PUS10: variants seen among roughly 807,000 people sequenced by gnomAD.
PUS10 encodes tRNA pseudouridine synthase Pus10.
PUS10 carries 59 observed loss-of-function variants against 75.0 expected under a neutral mutation model. That is an observed-to-expected ratio of 0.79 (90% confidence interval 0.64 to 0.98). The LOEUF is 0.98. PUS10 is among the 50% of genes least tolerant of loss of function. The pLI, the probability that PUS10 is intolerant of heterozygous loss-of-function variation, is 0.00. For missense variants in PUS10, 650 were observed against 614.4 expected, an observed-to-expected ratio of 1.06 and a Z score of -0.61; for synonymous variants, 219 against 211.6, an observed-to-expected ratio of 1.03 and a Z score of -0.30.
At chr2:60,985,481 G>A (rs2104521967) in intron 4 of PUS10, among the ~76,000 whole-genome samples, 2 of 152,148 alleles carry the variant, frequency 1.3e-5, no homozygotes, top group African/African-American at 4.8e-5. Context: ...TGAGGACTTT[G>A]TGCTAAAGAT....
At chr2:60,975,632 A>T (rs1676987338) in intron 4 of PUS10, among the ~76,000 whole-genome samples, 1 of 151,408 alleles carries the variant, frequency 6.6e-6, no homozygotes, top group Non-Finnish European at 1.5e-5. Context: ...GTTTTATAAT[A>T]GACGACTGAG....
intron 15 of PUS10, among the ~76,000 whole-genome samples, chr2:60,950,312 T>A (rs1675254593): frequency 2.0e-5 from 3 of 152,348 alleles, no homozygotes; most frequent in South Asian, 4.1e-4. Flanking sequence ...TCATAAGTGC[T>A]CCTATGAGTC....
Position 60,953,635 on chromosome 2 carries a change from A to C in PUS10, c.1190+298T>G, listed in dbSNP as rs374554873. Among the ~76,000 whole-genome samples the C allele has an allele frequency of 9.2e-5, 14 of 152,338 alleles. 1 individual carries two copies. In the South Asian group the frequency reaches 2.9e-3, roughly 32 times the overall value. On this transcript the variant is annotated intron_variant, in intron 14 of 17. Coordinates refer to ENST00000316752, the MANE Select transcript of PUS10 (RefSeq NM_144709.4). The stretch of plus-strand genomic sequence containing the variant: ...TTGCTATTGTGAATAATGCTATTAT[A>C]AATATTCATGTACAAGTCTTTGTGT...
chr2:60,957,543 G>A (rs574476805), intron 11 of PUS10, among the ~76,000 whole-genome samples: 19 of 152,348 alleles, frequency 1.2e-4, no homozygotes, highest in Middle Eastern at 3.4e-3. Flanking sequence ...CCAGATAATC[G>A]GCAGAACGTA....
intron 12 of PUS10, among the ~76,000 whole-genome samples, chr2:60,954,742 GA>G (rs1405202858): frequency 6.6e-6 from 1 of 151,812 alleles, no homozygotes; most frequent in Non-Finnish European, 1.5e-5. Context: ...CAAACTTTTG[GA>G]AAAAAAATCA....
At chr2:60,951,232 G>T (rs1289880752) in intron 15 of PUS10, among the ~76,000 whole-genome samples, 1 of 152,084 alleles carries the variant, frequency 6.6e-6, no homozygotes, top group Non-Finnish European at 1.5e-5. Context: ...ATGCGTTTGT[G>T]TGTGCTTAAA....
chr2:60,975,850 C>T (rs1677004335), intron 4 of PUS10, among the ~76,000 whole-genome samples: 1 of 152,074 alleles, frequency 6.6e-6, no homozygotes, highest in Non-Finnish European at 1.5e-5. Flanking sequence ...CACCCTCCTC[C>T]TCCCCGTTTC....
intron 11 of PUS10, among the ~76,000 whole-genome samples, chr2:60,956,090 AT>A (rs770486074): frequency 6.6e-6 from 1 of 151,256 alleles, no homozygotes; most frequent in Non-Finnish European, 1.5e-5. Flanking sequence ...GAAGGAGAAA[AT>A]TAAAAAAAAA....
intron 1 of PUS10, chr2:61,017,760 A>T (rs1201215154): frequency 6.5e-7 from 1 of 1,548,772 alleles, no homozygotes; most frequent in Admixed American, 2.0e-5. Flanking sequence ...GGCGGAGGAG[A>T]TGGCGTCCCA....
intron 16 of PUS10, 76 bp downstream of exon 16, chr2:60,947,967 C>G (rs1675073110): frequency 9.9e-6 from 15 of 1,522,618 alleles, no homozygotes; most frequent in Non-Finnish European, 1.4e-5. Context: ...CAAGCTGACC[C>G]TGTTTTCTAG....
At chr2:60,979,364 C>T (rs1677241337) in intron 4 of PUS10, among the ~76,000 whole-genome samples, 1 of 152,190 alleles carries the variant, frequency 6.6e-6, no homozygotes, top group African/African-American at 2.4e-5. Context: ...GCCTGTGCCT[C>T]ACCGTGTGTC....
intron 2 of PUS10, 122 bp downstream of exon 2, chr2:61,011,643 T>C (rs1043666912): frequency 3.1e-5 from 20 of 655,456 alleles, no homozygotes; most frequent in South Asian, 2.6e-4. Context: ...CATTTTATTA[T>C]AGTTTTTTAA....
At chr2:60,984,925 A>C (rs1235783163) in intron 4 of PUS10, among the ~76,000 whole-genome samples, 1 of 152,246 alleles carries the variant, frequency 6.6e-6, no homozygotes. Context: ...GTTACTCCAG[A>C]AAATGGGAAG....
intron 4 of PUS10, among the ~76,000 whole-genome samples, chr2:61,002,601 G>A (rs1678927027): frequency 6.6e-6 from 1 of 152,146 alleles, no homozygotes; most frequent in East Asian, 1.9e-4. Context: ...GTACCACCAT[G>A]AGATCACTCT....
At chr2:60,992,749 T>TC (rs1678193862) in intron 4 of PUS10, among the ~76,000 whole-genome samples, 1 of 152,182 alleles carries the variant, frequency 6.6e-6, no homozygotes, top group Non-Finnish European at 1.5e-5. Flanking sequence ...TTTTATTTTT[T>TC]CCCCACACAA....
At chr2:60,945,535 G>A (rs1674892447) in intron 16 of PUS10, among the ~76,000 whole-genome samples, 1 of 152,162 alleles carries the variant, frequency 6.6e-6, no homozygotes, top group South Asian at 2.1e-4. Flanking sequence ...CACACAGAGA[G>A]TGATCTCAAT....
At chr2:60,995,512 A>G (rs952294923) in intron 4 of PUS10, among the ~76,000 whole-genome samples, 1 of 152,246 alleles carries the variant, frequency 6.6e-6, no homozygotes, top group Admixed American at 6.5e-5. Flanking sequence ...AAAAAAGGAC[A>G]GTTCTACGCA....
chr2:60,972,500 T>C (rs1379198891), intron 4 of PUS10, among the ~76,000 whole-genome samples: 2 of 151,852 alleles, frequency 1.3e-5, no homozygotes, highest in African/African-American at 2.4e-5. Context: ...AAGAAATGTA[T>C]GCCAAATGCT....
Position 60,961,563 on chromosome 2 carries a change from A to G in PUS10, c.789-15T>C. The G allele has an allele frequency of 6.3e-7, 1 of 1,598,900 alleles. No homozygotes were observed. ...AAGGAAACTGCCTGCAAAACAAAATAAATTTTATAGCTATTTTCCAGACAT... is the reference window on the plus strand; with the variant it reads ...AAGGAAACTGCCTGCAAAACAAAATGAATTTTATAGCTATTTTCCAGACAT... On this transcript the variant is annotated splice_polypyrimidine_tract_variant and intron_variant, in intron 9 of 17. Coordinates refer to ENST00000316752, the MANE Select transcript of PUS10 (RefSeq NM_144709.4).
Sources: gnomAD v4.1 joint callset for allele counts (sites outside exome capture counted in the v4.1 genomes callset) on GRCh38, gnomAD v4.1.1 for gene constraint, MANE v1.5 for transcripts, NCBI Gene and HGNC (gene_info 2026-07-23, HGNC 2026-07-21) for gene names.